TRIM24: variants seen among roughly 807,000 people sequenced by gnomAD.
TRIM24 encodes transcription intermediary factor 1-alpha.
In TRIM24, 29 loss-of-function variants were observed where a neutral mutation model predicts 123.9. The ratio of observed to expected loss-of-function variants is 0.23; its 90% CI spans 0.17 to 0.32. The LOEUF (loss-of-function observed/expected upper bound fraction) is 0.32. Ranked by LOEUF, TRIM24 falls within the 10% of genes least tolerant of loss-of-function variation. The pLI is 1.00. For synonymous variants in TRIM24, 456 were observed against 461.1 expected (o/e 0.99, Z 0.14); for missense variants, 932 against 1,295.3 (o/e 0.72, Z 4.31).
chr7:138,524,707 G>C (rs149923608), intron 4 of TRIM24, among the ~76,000 whole-genome samples: 2 of 152,080 alleles, frequency 1.3e-5, no homozygotes, highest in East Asian at 3.9e-4. Context: ...TCTTTCCTCA[G>C]TTTCAAATTG....
chr7:138,463,989 CTTTTTTTTTT>C (rs568562414), intron 1 of TRIM24, among the ~76,000 whole-genome samples: 4 of 50,766 alleles, frequency 7.9e-5, no homozygotes, highest in East Asian at 4.5e-4. Context: ...AAAATTTAGA[CTTTTTTTTTT>C]TTTTTTTTTT....
chr7:138,505,527 TGTTG>T (rs1796134885), intron 2 of TRIM24, among the ~76,000 whole-genome samples: 4 of 150,520 alleles, frequency 2.7e-5, no homozygotes, highest in African/African-American at 1.0e-4. Context: ...TTGTTGTTGT[TGTTG>T]TTGTTGTTGT....
chr7:138,494,512 C>T (rs1224178341), intron 1 of TRIM24, among the ~76,000 whole-genome samples: 1 of 151,924 alleles, frequency 6.6e-6, no homozygotes, highest in Non-Finnish European at 1.5e-5. Context: ...GGCAGGAGGA[C>T]CACTTGATGG....
At chr7:138,558,501 G>T (rs990935619) in intron 9 of TRIM24, among the ~76,000 whole-genome samples, 2 of 152,096 alleles carry the variant, frequency 1.3e-5, no homozygotes, top group African/African-American at 4.8e-5. Flanking sequence ...CCCTATGATG[G>T]TTCCTCCACA....
At chr7:138,568,781 C>T (rs910074830) in intron 10 of TRIM24, among the ~76,000 whole-genome samples, 2 of 151,996 alleles carry the variant, frequency 1.3e-5, no homozygotes, top group Non-Finnish European at 2.9e-5. Context: ...CTCAAAGCTC[C>T]TATGACAACA....
At chr7:138,576,529 CAAT>C in intron 13 of TRIM24, 84 bp downstream of exon 13, 1 of 1,169,152 alleles carries the variant, frequency 8.6e-7, no homozygotes, top group Non-Finnish European at 1.2e-6. Flanking sequence ...TTTTGATACT[CAAT>C]ATATTTTGAA....
intron 9 of TRIM24, among the ~76,000 whole-genome samples, chr7:138,566,071 G>T (rs749080945): frequency 6.6e-6 from 1 of 152,122 alleles, no homozygotes; most frequent in Non-Finnish European, 1.5e-5. Flanking sequence ...GCTTTGCCAG[G>T]GCCCTGCATA....
chr7:138,523,621 G>T (rs1796547791), intron 4 of TRIM24, among the ~76,000 whole-genome samples: 2 of 152,134 alleles, frequency 1.3e-5, no homozygotes, highest in Admixed American at 1.3e-4. Context: ...CAGGCGTGGT[G>T]GTGGGTATAG....
In TRIM24 at chr7:138,504,457, T is replaced by G. The variant is rs752868296; in HGVS notation, c.483+49T>G. ...TTTTGCCTGCCAGCTCTTTTTTTTT[T>G]TTTTTTTTTTTTTTTTGAGACAGAG... On this transcript the variant is annotated intron_variant, in intron 2 of 18. Coordinates refer to ENST00000343526, the MANE Select transcript of TRIM24 (RefSeq NM_015905.3). The G allele has an allele frequency of 7.3e-3, 8,105 of 1,105,032 alleles. 88 individuals carry two copies. Among genetic ancestry groups the G allele is most frequent in the Middle Eastern group, 0.014 (59 of 4,204 alleles). The allele number at this position is 1,105,032 out of a possible 1,614,324, so 68.5% of individuals were successfully genotyped here. A position where few individuals can be genotyped will look rare whatever the true frequency, so the allele number is the denominator to read the frequency against.
At chr7:138,480,115 G>C (rs1355184449) in intron 1 of TRIM24, among the ~76,000 whole-genome samples, 2 of 105,082 alleles carry the variant, frequency 1.9e-5, no homozygotes, top group Non-Finnish European at 4.0e-5. Context: ...CACCGCACCC[G>C]GGCCATGAAT....
chr7:138,570,336 G>GTGTT (rs1797628171), intron 10 of TRIM24, among the ~76,000 whole-genome samples: 1 of 152,084 alleles, frequency 6.6e-6, no homozygotes, highest in African/African-American at 2.4e-5. Flanking sequence ...TCATCTTAAT[G>GTGTT]TGTTTATCTC....
intron 6 of TRIM24, among the ~76,000 whole-genome samples, chr7:138,537,882 A>G (rs925444850): frequency 1.3e-5 from 2 of 152,172 alleles, no homozygotes; most frequent in African/African-American, 4.8e-5. Flanking sequence ...AACATTTCTA[A>G]TTTGTCTGAG....
chr7:138,474,499 T>C (rs762820823), intron 1 of TRIM24, among the ~76,000 whole-genome samples: 50 of 152,228 alleles, frequency 3.3e-4, no homozygotes, highest in Non-Finnish European at 6.6e-4. Flanking sequence ...GTTTATCTTT[T>C]ATGGATTATT....
intron 1 of TRIM24, among the ~76,000 whole-genome samples, chr7:138,467,226 T>C (rs547744263): frequency 3.5e-4 from 54 of 152,360 alleles, no homozygotes; most frequent in Middle Eastern, 3.4e-3. Context: ...TTTGCATTTC[T>C]TTACATTTTA....
intron 3 of TRIM24, among the ~76,000 whole-genome samples, chr7:138,516,807 CGTTTT>C (rs201776516): frequency 0.013 from 1,838 of 141,324 alleles, 35 homozygotes; most frequent in African/African-American, 0.045. Context: ...GTAGCAAAAC[CGTTTT>C]GTTTTTTTTT....
chr7:138,579,254 G>GA lies in TRIM24; in HGVS notation c.2308dup (p.Ser770LysfsTer5). The GA allele has an allele frequency of 1.2e-6, 2 of 1,612,812 alleles. No homozygotes were observed. Among genetic ancestry groups the GA allele is most frequent in the Non-Finnish European group, 1.7e-6 (2 of 1,179,106 alleles). ...CCTCCCTGCTCTTAAATAGCAGTCA[G>GA]AGCTCTACTTCTGAGGAGACTGTGC... On this transcript the variant is annotated frameshift_variant, in exon 15 of 19. Coordinates refer to ENST00000343526, the MANE Select transcript of TRIM24 (RefSeq NM_015905.3). LOFTEE classifies it high-confidence loss of function.
rs751705080 is a variant in TRIM24, at chr7:138,467,327, G to GTGTTT, written c.364+6442_364+6446dup. On this transcript the variant is annotated intron_variant, in intron 1 of 18. Transcript: ENST00000343526. ...GATATCAATTTGGGTAAGGGGGAAT[G>GTGTTT]TGTTTTGTTTTGTTTTGTTTTGTTT... 4.6e-3 allele frequency among the ~76,000 whole-genome samples: 591 copies of GTGTTT among 128,704 alleles called. 4 individuals carry two copies. Among genetic ancestry groups the GTGTTT allele is most frequent in the African/African-American group, 6.6e-3 (220 of 33,172 alleles). The allele number at this position is 128,704 out of a possible 152,430, so 84.4% of individuals were successfully genotyped here.
At chr7:138,546,424 A>G (rs532863959) in intron 7 of TRIM24, among the ~76,000 whole-genome samples, 2 of 152,340 alleles carry the variant, frequency 1.3e-5, no homozygotes, top group East Asian at 1.9e-4. Context: ...AAGACTGCTG[A>G]AACTGTTGGC....
At chr7:138,582,238 T>C (rs916480748) in intron 17 of TRIM24, among the ~76,000 whole-genome samples, 1 of 152,184 alleles carries the variant, frequency 6.6e-6, no homozygotes, top group East Asian at 1.9e-4. Flanking sequence ...GAAAGGTTCA[T>C]ATTGAAAGTT....
Sources: gnomAD v4.1 joint callset for allele counts (sites outside exome capture counted in the v4.1 genomes callset) on GRCh38, gnomAD v4.1.1 for gene constraint, MANE v1.5 for transcripts, NCBI Gene and HGNC (gene_info 2026-07-23, HGNC 2026-07-21) for gene names.